Variants in OR6N1 observed in about 807,000 individuals in gnomAD.
The protein encoded by OR6N1 is olfactory receptor family 6 subfamily N member 1, also known as olfactory receptor 6N1.
For missense variants in OR6N1, 394 were observed against 371.7 expected (o/e 1.06, Z -0.49); for synonymous variants, 170 against 150.7 (o/e 1.13, Z -0.94).
the OR6N1 span, among the ~76,000 whole-genome samples, chr1:158,783,146 TACTTCCCCCCTTGTC>T: frequency 4.6e-5 from 7 of 152,214 alleles, no homozygotes; most frequent in African/African-American, 1.4e-4. Flanking sequence ...CCTGCCTTGT[TACTTCCCCCCTTGTC>T]ACTTCCCCTC....
At chr1:158,830,833 T>G in the OR6N1 span, among the ~76,000 whole-genome samples, 1 of 152,214 alleles carries the variant, frequency 6.6e-6, no homozygotes, top group Non-Finnish European at 1.5e-5. Context: ...ATTTACATAT[T>G]CATAATGACT....
At chr1:158,818,757 C>T in the OR6N1 span, among the ~76,000 whole-genome samples, 1 of 152,266 alleles carries the variant, frequency 6.6e-6, no homozygotes, top group East Asian at 1.9e-4. Context: ...ATTGAACTTC[C>T]CTATCCTTAC....
chr1:158,806,698 T>G, the OR6N1 span, among the ~76,000 whole-genome samples: 1 of 152,184 alleles, frequency 6.6e-6, no homozygotes, highest in Non-Finnish European at 1.5e-5. Flanking sequence ...TAGTTTTTTT[T>G]TTAAAGGAAA....
the OR6N1 span, among the ~76,000 whole-genome samples, chr1:158,821,307 A>G: frequency 3.3e-5 from 5 of 152,190 alleles, no homozygotes; most frequent in East Asian, 1.9e-4. Context: ...ACATGTGTCC[A>G]ATACTGACAC....
At chr1:158,769,264 A>G (rs1289528088) in intron 1 of OR6N1, among the ~76,000 whole-genome samples, 1 of 152,040 alleles carries the variant, frequency 6.6e-6, no homozygotes, top group Admixed American at 6.5e-5. Flanking sequence ...CCTGGGCTCA[A>G]GCAATCCTCC....
the OR6N1 span, among the ~76,000 whole-genome samples, chr1:158,786,018 TA>T: frequency 6.6e-6 from 1 of 152,076 alleles, no homozygotes; most frequent in South Asian, 2.1e-4. Context: ...GGGACCTAAT[TA>T]AACTAAAAGG....
the OR6N1 span, among the ~76,000 whole-genome samples, chr1:158,815,877 C>G: frequency 6.6e-6 from 1 of 151,996 alleles, no homozygotes; most frequent in Admixed American, 6.6e-5. Flanking sequence ...AAACATAGGC[C>G]GGGCACAGTG....
upstream of OR6N1, chr1:158,774,537 T>C (rs1457245639): frequency 6.6e-6 from 1 of 152,182 alleles, no homozygotes; most frequent in African/African-American, 2.4e-5. Flanking sequence ...AGCACTAGTC[T>C]TTGGAAAACA....
chr1:158,801,145 G>A, the OR6N1 span, among the ~76,000 whole-genome samples: 1 of 150,194 alleles, frequency 6.7e-6, no homozygotes, highest in East Asian at 2.0e-4. Context: ...GTGTTAGTCA[G>A]TATGTTGCTG....
At chr1:158,796,470 G>A in the OR6N1 span, among the ~76,000 whole-genome samples, 1 of 152,038 alleles carries the variant, frequency 6.6e-6, no homozygotes, top group Non-Finnish European at 1.5e-5. Flanking sequence ...TGAGCTCACT[G>A]GTTCTTTCCT....
chr1:158,811,271 A>C, the OR6N1 span, among the ~76,000 whole-genome samples: 1 of 152,090 alleles, frequency 6.6e-6, no homozygotes. Context: ...TTCTGCTTTG[A>C]CTATCTCCGT....
chr1:158,833,582 C>T, the OR6N1 span, among the ~76,000 whole-genome samples: 5 of 152,130 alleles, frequency 3.3e-5, no homozygotes, highest in Admixed American at 2.0e-4. Context: ...ATACAGTAAG[C>T]GTGTGCTTTT....
chr1:158,813,823 C>G, the OR6N1 span, among the ~76,000 whole-genome samples: 1 of 151,440 alleles, frequency 6.6e-6, no homozygotes, highest in Non-Finnish European at 1.5e-5. Context: ...CTATCTCAGC[C>G]CCACTGGGAC....
chr1:158,785,267 T>G, the OR6N1 span, among the ~76,000 whole-genome samples: 6 of 152,218 alleles, frequency 3.9e-5, no homozygotes, highest in Admixed American at 6.5e-5. Flanking sequence ...CTTGTGAAAT[T>G]CAGTATATTT....
At chr1:158,790,054 T>C in the OR6N1 span, among the ~76,000 whole-genome samples, 2 of 152,236 alleles carry the variant, frequency 1.3e-5, no homozygotes, top group South Asian at 2.1e-4. Flanking sequence ...CTTCTTCATA[T>C]AGTCATCTAG....
the OR6N1 span, among the ~76,000 whole-genome samples, chr1:158,819,705 C>A: frequency 0.17 from 26,537 of 152,136 alleles, 2,568 homozygotes; most frequent in Admixed American, 0.26. Context: ...AAAAAGCAGT[C>A]AGCTTATCTG....
At chr1:158,783,867 G>A in the OR6N1 span, among the ~76,000 whole-genome samples, 1 of 152,180 alleles carries the variant, frequency 6.6e-6, no homozygotes, top group Non-Finnish European at 1.5e-5. Context: ...AGCACTTTGG[G>A]ATGCCAAGGC....
the OR6N1 span, chr1:158,831,569 G>A: frequency 6.6e-6 from 1 of 152,126 alleles, no homozygotes; most frequent in Non-Finnish European, 1.5e-5. Context: ...TGAGATTTCT[G>A]GGAAGTTCTT....
the OR6N1 span, among the ~76,000 whole-genome samples, chr1:158,828,572 G>T: frequency 6.6e-6 from 1 of 152,196 alleles, no homozygotes; most frequent in Non-Finnish European, 1.5e-5. Flanking sequence ...CTGTGGTTTT[G>T]CAGGGAACAG....
Sources: gnomAD v4.1 joint callset for allele counts (sites outside exome capture counted in the v4.1 genomes callset) on GRCh38, gnomAD v4.1.1 for gene constraint, MANE v1.5 for transcripts, NCBI Gene and HGNC (gene_info 2026-07-23, HGNC 2026-07-21) for gene names.